The following FBXO45 variants were observed in gnomAD, a reference collection of about 807,000 sequenced individuals.
FBXO45 encodes F-box protein 45, also known as F-box/SPRY domain-containing protein 1.
A neutral mutation model predicts 25.5 loss-of-function variants in FBXO45; 3 were observed. The ratio of observed to expected loss-of-function variants is 0.12; its 90% CI spans 0.05 to 0.30. The LOEUF (loss-of-function observed/expected upper bound fraction) is 0.30. Ranked by LOEUF, FBXO45 falls within the 10% of genes least tolerant of loss-of-function variation. The pLI is 1.00. For synonymous variants in FBXO45, 155 were observed against 149.8 expected, an observed-to-expected ratio of 1.03 and a Z score of -0.25; for missense variants, 219 against 365.0, an observed-to-expected ratio of 0.60 and a Z score of 3.26.
chr3:196,577,577 T>C lies in FBXO45; in HGVS notation c.443T>C (p.Ile148Thr), dbSNP rs1735935569. Residue 148 changes from isoleucine to threonine, a missense_variant, in exon 2 of 3, where the codon ATT becomes ACT. Coordinates refer to ENST00000311630, the MANE Select transcript of FBXO45 (RefSeq NM_001105573.2). ...AGCACTGATGGTGCAAGGACCAAGATTGGTTTCAGTGAGGGCCGCCATGCA... is the reference window on the plus strand; with the variant it reads ...AGCACTGATGGTGCAAGGACCAAGACTGGTTTCAGTGAGGGCCGCCATGCA... ...AQSTDGARTK[I>T]GFSEGRHAWE... 3 of 1,613,980 alleles carry C rather than the reference T, an allele frequency of 1.9e-6. No individual in the cohort carries two copies. The highest frequency in any genetic ancestry group is 1.7e-6 in the Non-Finnish European group (2 of 1,179,882).
Position 196,568,909 on chromosome 3 carries a change from C to T in FBXO45, c.-76C>T. On this transcript the variant is annotated 5_prime_UTR_variant, in exon 1 of 3. Transcript: ENST00000311630. Reference sequence around the variant, plus strand: ...TGAGCGAGCCGCTCCGGTCTCCGGGCGAGGCTTGGCCTTCCGAGCAGAGAC... The same window carrying T: ...TGAGCGAGCCGCTCCGGTCTCCGGGTGAGGCTTGGCCTTCCGAGCAGAGAC... 1 of 966,216 alleles carries T rather than the reference C, an allele frequency of 1.0e-6. No individual in the cohort carries two copies. Among genetic ancestry groups the T allele is most frequent in the Non-Finnish European group, 1.2e-6 (1 of 811,236 alleles). The allele number at this position is 966,216 out of a possible 1,614,324, so 59.9% of individuals were successfully genotyped here.
chr3:196,581,380 G>C (rs1164805348), intron 2 of FBXO45, among the ~76,000 whole-genome samples: 1 of 151,424 alleles, frequency 6.6e-6, no homozygotes, highest in Non-Finnish European at 1.5e-5. Flanking sequence ...ACAGGTGTGT[G>C]CCACCATGCC....
chr3:196,575,903 C>G (rs1486538189), intron 1 of FBXO45, among the ~76,000 whole-genome samples: 1 of 152,170 alleles, frequency 6.6e-6, no homozygotes, highest in Non-Finnish European at 1.5e-5. Context: ...GTCTTGAACT[C>G]CGAGTTCAGG....
At chr3:196,572,351 A>G (rs1374095599) in intron 1 of FBXO45, among the ~76,000 whole-genome samples, 1 of 152,250 alleles carries the variant, frequency 6.6e-6, no homozygotes, top group East Asian at 1.9e-4. Context: ...GTAAAACCGC[A>G]TCTGGTAAGT....
chr3:196,569,123 G>A lies in FBXO45; in HGVS notation c.139G>A (p.Val47Met). 2 of 1,540,510 alleles carry A rather than the reference G, an allele frequency of 1.3e-6. No homozygotes were observed. Among genetic ancestry groups the A allele is most frequent in the Non-Finnish European group, 1.8e-6 (2 of 1,140,384 alleles). Residue 47 changes from valine (V) to methionine (M), a missense_variant, in exon 1 of 3, where the codon GTG (valine) becomes ATG (methionine). This residue lies in a region of FBXO45 where 138 missense variants were observed against 157.3 expected (regional missense o/e 0.88). Coordinates refer to ENST00000311630, the MANE Select transcript of FBXO45 (RefSeq NM_001105573.2). This position sits in a 1 kb window ranked among gnomAD's most constrained non-coding sequence, Gnocchi z 4.1. ...GRLPSRVLEL[V>M]FSYLELSELR... ...GCTGCCCAGCCGGGTGCTGGAGTTG[G>A]TGTTCTCTTACCTGGAGCTGTCCGA...
intron 2 of FBXO45, among the ~76,000 whole-genome samples, chr3:196,578,110 G>T (rs986723227): frequency 1.4e-5 from 2 of 142,114 alleles, no homozygotes; most frequent in Non-Finnish European, 3.0e-5. Context: ...GCGCCAACTC[G>T]GCTCACTGCA....
intron 2 of FBXO45, 42 bp downstream of exon 2, chr3:196,577,851 A>C: frequency 7.9e-7 from 1 of 1,264,164 alleles, no homozygotes; most frequent in South Asian, 2.2e-5. Context: ...CCTTTGTCAA[A>C]TCACGCCTTA....
intron 1 of FBXO45, among the ~76,000 whole-genome samples, chr3:196,574,101 A>G (rs1231452545): frequency 6.6e-6 from 1 of 151,846 alleles, no homozygotes; most frequent in African/African-American, 2.4e-5. Context: ...CGTCCAGCTA[A>G]TTTTTGTATT....
At chr3:196,581,908 G>C (rs1736017685) in intron 2 of FBXO45, among the ~76,000 whole-genome samples, 1 of 152,202 alleles carries the variant, frequency 6.6e-6, no homozygotes, top group African/African-American at 2.4e-5. Flanking sequence ...CATGTGATGT[G>C]TGGCAGCTAA....
intron 2 of FBXO45, among the ~76,000 whole-genome samples, chr3:196,580,795 A>G (rs528003274): frequency 1.6e-4 from 24 of 149,358 alleles, no homozygotes; most frequent in Admixed American, 4.7e-4. Flanking sequence ...TTTTTGAGAT[A>G]GGGTCTCGCT....
chr3:196,580,488 GCATGAGC>G (rs1560318923), intron 2 of FBXO45, among the ~76,000 whole-genome samples: 1 of 152,072 alleles, frequency 6.6e-6, no homozygotes, highest in Non-Finnish European at 1.5e-5. Context: ...CGGATTACAG[GCATGAGC>G]CACCATGCCT....
intron 1 of FBXO45, among the ~76,000 whole-genome samples, chr3:196,574,092 G>A (rs931390124): frequency 2.6e-5 from 4 of 151,864 alleles, no homozygotes; most frequent in Non-Finnish European, 4.4e-5. Flanking sequence ...CTGCCACTAC[G>A]TCCAGCTAAT....
At chr3:196,577,040 T>G (rs1364226832) in intron 1 of FBXO45, among the ~76,000 whole-genome samples, 2 of 152,220 alleles carry the variant, frequency 1.3e-5, no homozygotes, top group Non-Finnish European at 2.9e-5. Context: ...TGCCAATGAT[T>G]AATTTATGGC....
intron 2 of FBXO45, among the ~76,000 whole-genome samples, chr3:196,578,397 C>T (rs925764322): frequency 6.6e-6 from 1 of 152,098 alleles, no homozygotes; most frequent in African/African-American, 2.4e-5. Flanking sequence ...ATATTTGTTT[C>T]CTAATACAAC....
At chr3:196,583,752 G>T (rs1442441054) in intron 2 of FBXO45, among the ~76,000 whole-genome samples, 1 of 152,140 alleles carries the variant, frequency 6.6e-6, no homozygotes. Flanking sequence ...AAGCATTTGT[G>T]ATGTGTTACC....
At chr3:196,570,259 C>T (rs902733956) in intron 1 of FBXO45, among the ~76,000 whole-genome samples, 2 of 95,554 alleles carry the variant, frequency 2.1e-5, no homozygotes, top group Non-Finnish European at 3.9e-5. Context: ...ACGATAACAT[C>T]CCCCCCTTTT....
At position 196,569,735 on chromosome 3, in the gene FBXO45, C is replaced by G. The variant is rs1735755177; in HGVS notation, c.318+433C>G. ...TAGTTTGCTTTCACTCCACGTTTAT[C>G]TCATCTTTTCCAAGCTCTGATTTTT... On this transcript the variant is annotated intron_variant, in intron 1 of 2. Transcript: ENST00000311630. The surrounding 1 kb of genome is among the most constrained non-coding windows in gnomAD (Gnocchi z 4.1). 6.6e-6 allele frequency among the ~76,000 whole-genome samples: 1 copy of G among 152,194 alleles called. No individual in the cohort carries two copies. Among genetic ancestry groups the G allele is most frequent in the African/African-American group, 2.4e-5 (1 of 41,432 alleles).
chr3:196,575,905 G>T (rs1049783882), intron 1 of FBXO45, among the ~76,000 whole-genome samples: 1 of 152,096 alleles, frequency 6.6e-6, no homozygotes, highest in Non-Finnish European at 1.5e-5. Context: ...CTTGAACTCC[G>T]AGTTCAGGCG....
intron 2 of FBXO45, among the ~76,000 whole-genome samples, chr3:196,583,646 A>G (rs938506221): frequency 6.6e-6 from 1 of 152,222 alleles, no homozygotes; most frequent in African/African-American, 2.4e-5. Flanking sequence ...CAAAGAGTAA[A>G]TAAAATCAAT....
Sources: allele counts gnomAD v4.1 joint callset (sites outside exome capture counted in the v4.1 genomes callset), GRCh38; gene constraint gnomAD v4.1.1; regional missense constraint gnomAD v4.1.1; non-coding constraint Gnocchi (gnomAD v3.1); transcripts MANE v1.5; gene names NCBI Gene and HGNC (gene_info 2026-07-23, HGNC 2026-07-21).